The following ADCY3 variants were observed in gnomAD, a reference collection of about 807,000 sequenced individuals.
The protein encoded by ADCY3 is adenylate cyclase type 3.
In ADCY3, 70 loss-of-function variants were observed where a neutral mutation model predicts 119.4. That is an observed-to-expected ratio of 0.59 (90% CI 0.48 to 0.72). The LOEUF is 0.72. Among genes scored for constraint, ADCY3 ranks in the 30% least tolerant of loss-of-function variants. The pLI is 0.00. For missense variants in ADCY3, 1,238 were observed against 1,541.6 expected, an observed-to-expected ratio of 0.80 and a Z score of 3.30; for synonymous variants, 672 against 621.4, an observed-to-expected ratio of 1.08 and a Z score of -1.21.
chr2:24,846,210 C>A (rs1671635167), intron 3 of ADCY3, among the ~76,000 whole-genome samples: 1 of 152,188 alleles, frequency 6.6e-6, no homozygotes, highest in Non-Finnish European at 1.5e-5. Flanking sequence ...GGGCCACTGT[C>A]CTCCAGACCC....
chr2:24,827,876 A>G lies in ADCY3; in HGVS notation c.2432+26T>C, dbSNP rs763500351. On this transcript the variant is annotated intron_variant, in intron 14 of 21. Coordinates refer to ENST00000679454, the MANE Select transcript of ADCY3 (RefSeq NM_004036.5). ...GCGGGCGGGAGGAAGGAGACAATAC[A>G]GATCCCCAGTCACGCTTCATCTTAC... is the stretch of plus-strand genomic sequence containing the variant. 14 of 1,612,926 alleles carry G rather than the reference A, an allele frequency of 8.7e-6. No individual in the cohort carries two copies. In the African/African-American group the frequency reaches 1.6e-4, roughly 18 times the overall value.
intron 3 of ADCY3, among the ~76,000 whole-genome samples, chr2:24,844,471 G>A (rs1176424886): frequency 6.6e-6 from 1 of 152,152 alleles, no homozygotes; most frequent in Non-Finnish European, 1.5e-5. Flanking sequence ...CAAGTGCTCT[G>A]ACTCTGCTGA....
At chr2:24,880,905 T>G (rs1335244716) in intron 2 of ADCY3, among the ~76,000 whole-genome samples, 1 of 151,848 alleles carries the variant, frequency 6.6e-6, no homozygotes, top group East Asian at 1.9e-4. Flanking sequence ...ATCCCAGCTA[T>G]TCGGGAGGCT....
Position 24,841,506 on chromosome 2 carries a change from G to A in ADCY3, c.1068+50C>T, listed in dbSNP as rs1671010872. The A allele has an allele frequency of 1.3e-6, 2 of 1,594,976 alleles. No homozygotes were observed. Among genetic ancestry groups the A allele is most frequent in the East Asian group, 2.2e-5 (1 of 44,518 alleles). ...GGGCCGGGGATGGGGGCCAGGCAGA[G>A]GCCATGAGGGCAGGCCCCGCTGGAG... On this transcript the variant is annotated intron_variant, in intron 5 of 21. Transcript: ENST00000679454. This position sits in a 1 kb window ranked among gnomAD's most constrained non-coding sequence, Gnocchi z 5.8.
chr2:24,869,095 CA>C (rs1674659963), intron 3 of ADCY3, among the ~76,000 whole-genome samples: 1 of 152,060 alleles, frequency 6.6e-6, no homozygotes, highest in African/African-American at 2.4e-5. Context: ...GTCTGCTGAA[CA>C]GGCTAAAACA....
rs1377036675 is a variant in ADCY3, at chr2:24,839,907, C to G, written c.1321G>C (p.Val441Leu). 6.2e-7 allele frequency: 1 copy of G among 1,613,768 alleles called. No individual in the cohort carries two copies. Among genetic ancestry groups the G allele is most frequent in the Admixed American group, 1.7e-5 (1 of 60,016 alleles). The change falls in exon 7 of 22, where the codon GTA (valine) becomes CTA (leucine). Residue 441 changes from valine (V) to leucine (L), a missense_variant. By Grantham distance (32) the Val-to-Leu change is conservative (BLOSUM62 1). Coordinates refer to ENST00000679454, the MANE Select transcript of ADCY3 (RefSeq NM_004036.5). ...CCGCCGGCCTCCATCTTGTTGGCTACAGTGACATCAGTCGACCACACGTCG... is the reference window on the plus strand; with the variant it reads ...CCGCCGGCCTCCATCTTGTTGGCTAGAGTGACATCAGTCGACCACACGTCG... ...QYDVWSTDVT[V>L]ANKMEAGGIP... is the part of the protein sequence containing the mutation.
intron 16 of ADCY3, 79 bp from the exon 17 acceptor site, chr2:24,824,615 G>C (rs1814391): frequency 1.3e-6 from 2 of 1,518,540 alleles, no homozygotes; most frequent in Non-Finnish European, 1.8e-6. Context: ...ATGGCCAGGC[G>C]TGGCGGTTCA....
intron 3 of ADCY3, among the ~76,000 whole-genome samples, chr2:24,856,385 A>G (rs1673006237): frequency 6.6e-6 from 1 of 152,188 alleles, no homozygotes; most frequent in African/African-American, 2.4e-5. Flanking sequence ...ACAGGCTGTG[A>G]GCATACCCAC....
At chr2:24,831,080 C>T (rs1413565478) in intron 12 of ADCY3, among the ~76,000 whole-genome samples, 4 of 152,132 alleles carry the variant, frequency 2.6e-5, no homozygotes, top group Non-Finnish European at 5.9e-5. Flanking sequence ...CCACAGCAGA[C>T]GTGGTGACGA....
intron 13 of ADCY3, among the ~76,000 whole-genome samples, chr2:24,829,776 A>G (rs1375981822): frequency 1.3e-5 from 2 of 151,336 alleles, no homozygotes; most frequent in Non-Finnish European, 2.9e-5. Flanking sequence ...AAAAAAAAGG[A>G]AGATAGTGTA....
At chr2:24,827,468 G>T in intron 15 of ADCY3, 78 bp downstream of exon 15, 1 of 1,496,842 alleles carries the variant, frequency 6.7e-7, no homozygotes, top group South Asian at 1.2e-5. Flanking sequence ...TGAGATCCCG[G>T]GGCTTGGGCC....
chr2:24,884,471 C>CTTTTTTTTTTTTTTTTTT (rs1201387570), intron 2 of ADCY3, among the ~76,000 whole-genome samples: 1 of 97,860 alleles, frequency 1.0e-5, no homozygotes, highest in Non-Finnish European at 1.9e-5. Context: ...TTCTAATAAT[C>CTTTTTTTTTTTTTTTTTT]TTTTTTTTTT....
In ADCY3 at chr2:24,820,679, C is replaced by T. The variant is rs752613540; in HGVS notation, c.3252+45G>A. 7 of 1,610,976 alleles carry T rather than the reference C, an allele frequency of 4.3e-6. No homozygotes were observed. In the African/African-American group the frequency reaches 8.0e-5, roughly 18 times the overall value. On this transcript the variant is annotated intron_variant, in intron 21 of 21. Transcript: ENST00000679454. ...GGGAAAGCACTGTTCCGGTTTTGTT[C>T]TCATGCCGAGTCTGAGCACGTGCCA...
At chr2:24,837,248 G>A (rs1049398694) in intron 8 of ADCY3, among the ~76,000 whole-genome samples, 2 of 152,186 alleles carry the variant, frequency 1.3e-5, no homozygotes, top group African/African-American at 4.8e-5. Flanking sequence ...GGATGGAACT[G>A]CCATTAACTG....
chr2:24,914,399 A>G (rs1021565003), intron 2 of ADCY3, among the ~76,000 whole-genome samples: 1 of 152,150 alleles, frequency 6.6e-6, no homozygotes, highest in Non-Finnish European at 1.5e-5. Context: ...CCTCCTCTGG[A>G]CAGCGGCTCA....
chr2:24,840,105 G>T, intron 6 of ADCY3, 74 bp from the exon 7 acceptor site: 1 of 1,539,754 alleles, frequency 6.5e-7, no homozygotes. Context: ...GCTCCTGCAG[G>T]AGAAATTCAT....
intron 2 of ADCY3, among the ~76,000 whole-genome samples, chr2:24,913,289 CCCACAG>C: frequency 6.6e-6 from 1 of 151,280 alleles, no homozygotes; most frequent in Middle Eastern, 3.4e-3. Flanking sequence ...TGGCCACGTG[CCCACAG>C]GGAACATCGT....
rs1668049134 is a variant in ADCY3 at position 24,823,208 on chromosome 2, C to T, written c.2883+1G>A. ...GAGTGCAGGGTGGGATGGGCACTCA[C>T]AGAGTCAAAATCTGAGATGATTTCA... On this transcript the variant is annotated splice_donor_variant, in intron 18 of 21. Transcript: ENST00000679454. LOFTEE classifies it high-confidence loss of function. The T allele has an allele frequency of 6.2e-7, 1 of 1,611,942 alleles. No individual in the cohort carries two copies. Among genetic ancestry groups the T allele is most frequent in the African/African-American group, 1.3e-5 (1 of 74,968 alleles).
chr2:24,819,900 T>C lies in ADCY3; in HGVS notation c.*32A>G. The C allele has an allele frequency of 6.2e-7, 1 of 1,602,368 alleles. No homozygotes were observed. The highest frequency in any genetic ancestry group is 1.1e-5 in the South Asian group (1 of 89,768). ...CAGTTTCAAAAAATAAATTCTCCCT[T>C]CCGGTTTGGACTGTTGCAGGCTCGA... is the stretch of plus-strand genomic sequence containing the variant. On this transcript the variant is annotated 3_prime_UTR_variant, in exon 22 of 22. Coordinates refer to ENST00000679454, the MANE Select transcript of ADCY3 (RefSeq NM_004036.5).
Sources: gnomAD v4.1 joint callset for allele counts (sites outside exome capture counted in the v4.1 genomes callset) on GRCh38, gnomAD v4.1.1 for gene constraint, Gnocchi (gnomAD v3.1) non-coding constraint, MANE v1.5 for transcripts, NCBI Gene and HGNC (gene_info 2026-07-23, HGNC 2026-07-21) for gene names.